KCNH7: variants seen among roughly 807,000 people sequenced by gnomAD.
KCNH7 encodes voltage-gated inwardly rectifying potassium channel KCNH7.
Under a neutral mutation model 120.8 loss-of-function variants are expected in KCNH7, and 49 were observed. The observed-to-expected ratio is 0.41, with a 90% CI of 0.32 to 0.51. The LOEUF (loss-of-function observed/expected upper bound fraction) is 0.51, where lower values mean the gene tolerates loss of function less well. Among genes scored for constraint, KCNH7 ranks in the 20% least tolerant of loss-of-function variants. The pLI is 0.38. For missense variants in KCNH7, 1,097 were observed against 1,446.6 expected, an observed-to-expected ratio of 0.76 and a Z score of 3.92; for synonymous variants, 547 against 516.1, an observed-to-expected ratio of 1.06 and a Z score of -0.81.
chr2:162,738,067 CAAAA>C (rs58433565), intron 2 of KCNH7, among the ~76,000 whole-genome samples: 9 of 56,028 alleles, frequency 1.6e-4, no homozygotes, highest in African/African-American at 4.7e-4. Context: ...GACTTCATAT[CAAAA>C]AAAAAAAAAA....
chr2:162,450,981 T>C (rs76511415), intron 6 of KCNH7, among the ~76,000 whole-genome samples: 1 of 152,146 alleles, frequency 6.6e-6, no homozygotes, highest in Admixed American at 6.6e-5. Flanking sequence ...TTCTTTATGG[T>C]TCCAATAATA....
chr2:162,790,873 C>T (rs2105517406), intron 2 of KCNH7, among the ~76,000 whole-genome samples: 1 of 152,136 alleles, frequency 6.6e-6, no homozygotes, highest in South Asian at 2.1e-4. Context: ...CAGTTGAAAT[C>T]ATACTCAATG....
intron 6 of KCNH7, among the ~76,000 whole-genome samples, chr2:162,464,257 G>T (rs778339427): frequency 2.5e-4 from 38 of 152,012 alleles, no homozygotes; most frequent in Admixed American, 3.9e-4. Context: ...CTTCCTAGGA[G>T]GCAATTTCTC....
At chr2:162,745,298 G>A (rs1574333440) in intron 2 of KCNH7, among the ~76,000 whole-genome samples, 1 of 152,020 alleles carries the variant, frequency 6.6e-6, no homozygotes, top group Admixed American at 6.6e-5. Context: ...CCTTAAAAGA[G>A]GCTCACTTAC....
intron 2 of KCNH7, among the ~76,000 whole-genome samples, chr2:162,819,622 T>C (rs1381469840): frequency 6.6e-6 from 1 of 152,210 alleles, no homozygotes; most frequent in Non-Finnish European, 1.5e-5. Context: ...GCTAATCTGG[T>C]TGCCACTTGA....
intron 2 of KCNH7, among the ~76,000 whole-genome samples, chr2:162,644,081 C>G (rs1684265563): frequency 6.6e-6 from 1 of 151,932 alleles, no homozygotes; most frequent in South Asian, 2.1e-4. Flanking sequence ...GCTTTTCCCT[C>G]CTACCCCCGC....
intron 2 of KCNH7, among the ~76,000 whole-genome samples, chr2:162,753,282 C>A (rs577510483): frequency 6.6e-6 from 1 of 152,036 alleles, no homozygotes; most frequent in South Asian, 2.1e-4. Context: ...TTAATTTGGC[C>A]TAGTTTGATG....
At chr2:162,567,292 A>G (rs952797424) in intron 2 of KCNH7, among the ~76,000 whole-genome samples, 2 of 151,926 alleles carry the variant, frequency 1.3e-5, no homozygotes, top group Admixed American at 1.3e-4. Context: ...CCTCTTTTTT[A>G]CTCTCTTTTC....
intron 2 of KCNH7, among the ~76,000 whole-genome samples, chr2:162,566,329 TTTGGGGA>T (rs1327207746): frequency 1.3e-5 from 2 of 152,034 alleles, no homozygotes; most frequent in Admixed American, 1.3e-4. Context: ...TCCAATATTA[TTTGGGGA>T]TAGCATAATA....
chr2:162,552,866 G>C (rs1692721056), intron 2 of KCNH7, among the ~76,000 whole-genome samples: 1 of 152,160 alleles, frequency 6.6e-6, no homozygotes, highest in African/African-American at 2.4e-5. Context: ...GAGTTTGGAA[G>C]AGGACCCGAG....
chr2:162,639,159 C>G (rs898936433), intron 2 of KCNH7, among the ~76,000 whole-genome samples: 1 of 152,108 alleles, frequency 6.6e-6, no homozygotes, highest in African/African-American at 2.4e-5. Context: ...CAGTTGAGAA[C>G]AACTAAATAC....
intron 2 of KCNH7, among the ~76,000 whole-genome samples, chr2:162,607,129 C>G (rs1161399385): frequency 6.6e-6 from 1 of 151,134 alleles, no homozygotes; most frequent in African/African-American, 2.4e-5. Context: ...GTAATCCCAG[C>G]ACTCTGGGAG....
At chr2:162,694,604 G>T (rs911939480) in intron 2 of KCNH7, among the ~76,000 whole-genome samples, 3 of 151,966 alleles carry the variant, frequency 2.0e-5, no homozygotes, top group South Asian at 2.1e-4. Context: ...ATAATCAGAG[G>T]TTATCTCATT....
chr2:162,809,861 G>A (rs889878432), intron 2 of KCNH7, among the ~76,000 whole-genome samples: 16 of 150,966 alleles, frequency 1.1e-4, no homozygotes, highest in Admixed American at 2.6e-4. Flanking sequence ...AGTTGCTATC[G>A]ATTTAAAGAT....
At chr2:162,577,398 C>CATCT (rs1046599944) in intron 2 of KCNH7, among the ~76,000 whole-genome samples, 3 of 75,086 alleles carry the variant, frequency 4.0e-5, no homozygotes, top group East Asian at 5.3e-4. Context: ...TCTATCTATC[C>CATCT]ATCTATCTAT....
At chr2:162,715,282 G>T (rs1039243067) in intron 2 of KCNH7, among the ~76,000 whole-genome samples, 1 of 152,144 alleles carries the variant, frequency 6.6e-6, no homozygotes, top group African/African-American at 2.4e-5. Context: ...CAGGAGCAAA[G>T]AAGTGGGTAA....
intron 6 of KCNH7, among the ~76,000 whole-genome samples, chr2:162,501,109 G>C (rs1017835371): frequency 2.0e-5 from 3 of 151,964 alleles, no homozygotes; most frequent in Admixed American, 2.0e-4. Context: ...ACAATTGGAA[G>C]GTTTGTCACT....
chr2:162,738,772 GA>G (rs1029624679), intron 2 of KCNH7, among the ~76,000 whole-genome samples: 20 of 152,264 alleles, frequency 1.3e-4, no homozygotes, highest in African/African-American at 4.8e-4. Flanking sequence ...ATAACTAAAA[GA>G]AATAAATATA....
intron 2 of KCNH7, among the ~76,000 whole-genome samples, chr2:162,766,254 A>G (rs181454084): frequency 1.8e-4 from 28 of 152,240 alleles, no homozygotes; most frequent in African/African-American, 6.5e-4. Context: ...GGAAAGTTCA[A>G]TTTCAGCACT....
Sources: allele counts gnomAD v4.1 joint callset (sites outside exome capture counted in the v4.1 genomes callset), GRCh38; gene constraint gnomAD v4.1.1; transcripts MANE v1.5; gene names NCBI Gene and HGNC (gene_info 2026-07-23, HGNC 2026-07-21).